Variants in CNOT6 observed in about 807,000 individuals in gnomAD.
CNOT6 encodes CCR4-NOT transcription complex subunit 6.
Under a neutral mutation model 61.2 loss-of-function variants are expected in CNOT6, and 12 were observed. That is an observed-to-expected ratio of 0.20 (90% CI 0.13 to 0.32). The LOEUF (loss-of-function observed/expected upper bound fraction) is 0.32, where lower values mean the gene tolerates loss of function less well. CNOT6 is among the 10% of genes least tolerant of loss of function. The pLI is 1.00. For missense variants in CNOT6, 405 were observed against 663.9 expected (o/e 0.61, Z 4.28); for synonymous variants, 225 against 240.6 (o/e 0.94, Z 0.60).
At chr5:180,531,530 A>G (rs534964682) in intron 2 of CNOT6, among the ~76,000 whole-genome samples, 9 of 142,262 alleles carry the variant, frequency 6.3e-5, no homozygotes, top group Admixed American at 2.1e-4. Context: ...GGCTCCTCAC[A>G]TCCCAGACGA....
intron 4 of CNOT6, among the ~76,000 whole-genome samples, chr5:180,556,723 C>T (rs1759911963): frequency 6.6e-6 from 1 of 152,178 alleles, no homozygotes; most frequent in African/African-American, 2.4e-5. Flanking sequence ...GAGGCTGAGG[C>T]AGGCAGATCA....
intron 1 of CNOT6, among the ~76,000 whole-genome samples, chr5:180,498,161 TG>T (rs1332480639): frequency 1.3e-5 from 2 of 151,388 alleles, no homozygotes; most frequent in African/African-American, 2.4e-5. Context: ...ATTAGCGAGG[TG>T]GGGGGTTATT....
At chr5:180,552,367 C>T (rs528321184) in intron 3 of CNOT6, among the ~76,000 whole-genome samples, 28 of 151,326 alleles carry the variant, frequency 1.9e-4, no homozygotes, top group Middle Eastern at 3.4e-3. Flanking sequence ...AGGCTGGGCA[C>T]GATGGCTCAA....
chr5:180,567,218 G>GTGC lies in CNOT6; in HGVS notation c.849_851dup (p.Ala284dup). 6.2e-7 allele frequency: 1 copy of GTGC among 1,607,358 alleles called. No individual in the cohort carries two copies. Among genetic ancestry groups the GTGC allele is most frequent in the Non-Finnish European group, 8.5e-7 (1 of 1,178,322 alleles). On this transcript the variant is annotated inframe_insertion, in exon 8 of 12. Transcript: ENST00000261951. ...CAAGAAAGGAAACATGTTGATGGCT[G>GTGC]TGCAATATTCTTCAAGACAGAAAAG...
intron 1 of CNOT6, among the ~76,000 whole-genome samples, chr5:180,518,569 A>C (rs1757749139): frequency 6.6e-6 from 1 of 152,058 alleles, no homozygotes; most frequent in Non-Finnish European, 1.5e-5. Flanking sequence ...CCCAGGCTGG[A>C]GTGCAGTGGT....
chr5:180,570,225 G>A (rs1581574751), intron 10 of CNOT6, among the ~76,000 whole-genome samples: 1 of 152,166 alleles, frequency 6.6e-6, no homozygotes, highest in Non-Finnish European at 1.5e-5. Context: ...AGGCGTGGTG[G>A]TGCACGCCTG....
intron 1 of CNOT6, among the ~76,000 whole-genome samples, chr5:180,507,549 C>T (rs1338508216): frequency 6.6e-6 from 1 of 152,168 alleles, no homozygotes; most frequent in Non-Finnish European, 1.5e-5. Context: ...TTGCAGTGAA[C>T]CGTGGTCACG....
intron 1 of CNOT6, among the ~76,000 whole-genome samples, chr5:180,527,859 G>C (rs1758174206): frequency 6.6e-6 from 1 of 152,172 alleles, no homozygotes; most frequent in Admixed American, 6.5e-5. Context: ...CACCCCGTCA[G>C]ATCAGCAGCA....
At chr5:180,573,594 T>C (rs1760868379) in intron 11 of CNOT6, among the ~76,000 whole-genome samples, 1 of 61,532 alleles carries the variant, frequency 1.6e-5, no homozygotes, top group Non-Finnish European at 3.4e-5. Flanking sequence ...TGTGTGTGTG[T>C]GTGTGTGTCC....
chr5:180,526,117 A>G (rs1278031256), intron 1 of CNOT6, among the ~76,000 whole-genome samples: 1 of 152,130 alleles, frequency 6.6e-6, no homozygotes, highest in African/African-American at 2.4e-5. Flanking sequence ...TCTTCTTGAT[A>G]GTTTTTGGTG....
chr5:180,562,376 T>C (rs1760231009), intron 4 of CNOT6, among the ~76,000 whole-genome samples: 1 of 152,232 alleles, frequency 6.6e-6, no homozygotes, highest in African/African-American at 2.4e-5. Flanking sequence ...CAGAATTTTA[T>C]TGTTATTGAC....
chr5:180,543,082 G>A (rs1179022860), intron 2 of CNOT6, among the ~76,000 whole-genome samples: 2 of 151,432 alleles, frequency 1.3e-5, no homozygotes, highest in African/African-American at 2.4e-5. Flanking sequence ...TTTTTGAGAC[G>A]GAGTCTCACT....
At chr5:180,505,303 T>TGA (rs1443539684) in intron 1 of CNOT6, among the ~76,000 whole-genome samples, 1 of 112,132 alleles carries the variant, frequency 8.9e-6, no homozygotes, top group Non-Finnish European at 1.8e-5. Context: ...TCGCCCAGTC[T>TGA]GGACTGCAGT....
chr5:180,514,280 C>T (rs1436051085), intron 1 of CNOT6, among the ~76,000 whole-genome samples: 1 of 152,044 alleles, frequency 6.6e-6, no homozygotes, highest in African/African-American at 2.4e-5. Context: ...AAATCAGCCA[C>T]ATGTGTTGGG....
At chr5:180,558,623 T>C (rs72814972) in intron 4 of CNOT6, among the ~76,000 whole-genome samples, 2,861 of 70,786 alleles carry the variant, frequency 0.04, 43 homozygotes, top group Non-Finnish European at 0.071. Flanking sequence ...TGTGTTTGCT[T>C]TTTTTTTTTC....
At position 180,553,378 on chromosome 5, in the gene CNOT6, A is replaced by G. The variant is rs72814958; in HGVS notation, c.300-8A>G. On this transcript the variant is annotated splice_polypyrimidine_tract_variant and splice_region_variant and intron_variant, in intron 3 of 11. Coordinates refer to ENST00000261951, the MANE Select transcript of CNOT6 (RefSeq NM_001370472.1). ...TTTTCTGACTTCCTGGAATTTTTAC[A>G]TCAACAGGGAGCTCCATTTAAATAA... 0.026 allele frequency: 41,431 copies of G among 1,606,446 alleles called. 663 individuals carry two copies. Among genetic ancestry groups the G allele is most frequent in the Non-Finnish European group, 0.029 (34,352 of 1,175,490 alleles).
At position 180,522,923 on chromosome 5, in the gene CNOT6, G is replaced by A. The variant is rs112214648; in HGVS notation, c.-2-6352G>A. On this transcript the variant is annotated intron_variant, in intron 1 of 11. Coordinates refer to ENST00000261951, the MANE Select transcript of CNOT6 (RefSeq NM_001370472.1). ...TGTGTTTGCCCGCATTCTGTGAGCC[G>A]TTCTAACAAATTAATCCAACTCCAG... is the stretch of plus-strand genomic sequence containing the variant. Among the ~76,000 whole-genome samples the A allele has an allele frequency of 5.6e-3, 848 of 152,244 alleles. 8 individuals carry two copies. The highest frequency in any genetic ancestry group is 0.02 in the African/African-American group (815 of 41,544).
At chr5:180,563,369 C>T (rs1476284549) in intron 4 of CNOT6, among the ~76,000 whole-genome samples, 1 of 150,454 alleles carries the variant, frequency 6.6e-6, no homozygotes, top group African/African-American at 2.4e-5. Flanking sequence ...CGCCCGCCAC[C>T]ACGCCTGGCT....
At chr5:180,544,373 T>A (rs570231577) in intron 2 of CNOT6, among the ~76,000 whole-genome samples, 1 of 152,336 alleles carries the variant, frequency 6.6e-6, no homozygotes, top group South Asian at 2.1e-4. Context: ...ACTGTTTTCA[T>A]ATTTGAATTC....
Sources: allele counts gnomAD v4.1 joint callset (sites outside exome capture counted in the v4.1 genomes callset), GRCh38; gene constraint gnomAD v4.1.1; transcripts MANE v1.5; gene names NCBI Gene and HGNC (gene_info 2026-07-23, HGNC 2026-07-21).